KIAA1217: variants seen among roughly 807,000 people sequenced by gnomAD.
The protein encoded by KIAA1217 is sickle tail protein homolog.
Under a neutral mutation model 163.9 loss-of-function variants are expected in KIAA1217, and 88 were observed. The observed-to-expected ratio is 0.54, with a 90% CI of 0.45 to 0.64. The LOEUF (loss-of-function observed/expected upper bound fraction) is 0.64, where lower values mean the gene tolerates loss of function less well. Ranked by LOEUF, KIAA1217 falls within the 30% of genes least tolerant of loss-of-function variation. The pLI is 0.00. For synonymous variants in KIAA1217, 903 were observed against 923.1 expected, an observed-to-expected ratio of 0.98 and a Z score of 0.39; for missense variants, 2,372 against 2,475.0, an observed-to-expected ratio of 0.96 and a Z score of 0.88.
At chr10:24,409,759 C>A (rs991159466) in intron 3 of KIAA1217, among the ~76,000 whole-genome samples, 1 of 152,086 alleles carries the variant, frequency 6.6e-6, no homozygotes, top group African/African-American at 2.4e-5. Flanking sequence ...CACCCTTTCC[C>A]CTGAGTCCCC....
rs191697367 is a variant in KIAA1217 at position 23,711,760 on chromosome 10, C to T, written c.-321+16526C>T. Among the ~76,000 whole-genome samples the T allele has an allele frequency of 1.8e-4, 27 of 152,294 alleles. No individual in the cohort carries two copies. The East Asian group carries it at 5.2e-3, about 29-fold the overall frequency. On this transcript the variant is annotated intron_variant, in intron 1 of 18. Coordinates refer to the KIAA1217 transcript ENST00000376462. ...CATGTCAAGCTTCAACAGATGAAATCAACCACCTTCCTCTCCTGGGGAAGA... is the reference window on the plus strand; with the variant it reads ...CATGTCAAGCTTCAACAGATGAAATTAACCACCTTCCTCTCCTGGGGAAGA...
At chr10:24,198,564 G>T (rs926097249) in intron 2 of KIAA1217, among the ~76,000 whole-genome samples, 1 of 149,118 alleles carries the variant, frequency 6.7e-6, no homozygotes, top group African/African-American at 2.5e-5. Flanking sequence ...AGCCAAGATC[G>T]TGCCACTGCT....
chr10:24,495,936 A>G (rs2133822325), intron 8 of KIAA1217, among the ~76,000 whole-genome samples: 1 of 152,350 alleles, frequency 6.6e-6, no homozygotes, highest in East Asian at 1.9e-4. Flanking sequence ...GGCGTTCACT[A>G]GTATCCAGGT....
rs939165376 is a variant in KIAA1217, at chr10:24,458,025, C to T, written c.847-15203C>T. Among the ~76,000 whole-genome samples, 11 of 152,158 alleles carry T rather than the reference C, an allele frequency of 7.2e-5. No individual in the cohort carries two copies. The East Asian group carries it at 1.2e-3, about 16-fold the overall frequency. On this transcript the variant is annotated intron_variant, in intron 5 of 20. Transcript: ENST00000376454. ...GTGTCTCTGAAGAGGAGGCTTCTGT[C>T]GGTGTCAGAGCCTGGTGGGGAAGAA...
intron 1 of KIAA1217, among the ~76,000 whole-genome samples, chr10:23,780,400 A>G (rs1382852265): frequency 1.3e-5 from 2 of 151,842 alleles, no homozygotes; most frequent in Admixed American, 6.6e-5. Context: ...GAAACTTTGT[A>G]CTCTTTGACC....
intron 1 of KIAA1217, among the ~76,000 whole-genome samples, chr10:23,964,413 G>A (rs1329784202): frequency 2.6e-5 from 4 of 151,766 alleles, no homozygotes; most frequent in Non-Finnish European, 4.4e-5. Flanking sequence ...TCACTCTGCT[G>A]ATAGTTTCTT....
At chr10:24,319,830 T>G (rs2043907511) in intron 2 of KIAA1217, among the ~76,000 whole-genome samples, 1 of 152,244 alleles carries the variant, frequency 6.6e-6, no homozygotes, top group African/African-American at 2.4e-5. Flanking sequence ...CCACAAGTCT[T>G]TGCCAAAGCA....
intron 2 of KIAA1217, among the ~76,000 whole-genome samples, chr10:24,372,517 A>G (rs116049824): frequency 5.3e-4 from 81 of 152,314 alleles, no homozygotes; most frequent in African/African-American, 1.8e-3. Context: ...AAAATAATCT[A>G]TGGGACTGTT....
At chr10:23,977,945 C>A (rs1254604310) in intron 1 of KIAA1217, among the ~76,000 whole-genome samples, 1 of 152,160 alleles carries the variant, frequency 6.6e-6, no homozygotes, top group East Asian at 1.9e-4. Flanking sequence ...TCCTTAAGAA[C>A]AACATCCCCT....
chr10:23,981,572 C>A (rs1589179716), intron 1 of KIAA1217, among the ~76,000 whole-genome samples: 1 of 152,172 alleles, frequency 6.6e-6, no homozygotes, highest in Non-Finnish European at 1.5e-5. Flanking sequence ...AAATGCATTT[C>A]TTTTATTTTC....
In KIAA1217 at chr10:23,996,448, G is replaced by A. The variant is rs74483566; in HGVS notation, c.-320-10777G>A. ...GTGGTGAGTTTTTCTTCCCTAGACA[G>A]CAAACACAACGGCAGAAACTGTTAT... On this transcript the variant is annotated intron_variant, in intron 1 of 18. Transcript: ENST00000376462. 9.2e-5 allele frequency among the ~76,000 whole-genome samples: 14 copies of A among 152,250 alleles called. No individual in the cohort carries two copies. The East Asian group carries it at 2.5e-3, about 27-fold the overall frequency.
chr10:23,714,790 A>G (rs1222513091), intron 1 of KIAA1217, among the ~76,000 whole-genome samples: 3 of 152,224 alleles, frequency 2.0e-5, no homozygotes, highest in East Asian at 1.9e-4. Context: ...CAGTTTGTCA[A>G]TAGAGGGTGG....
intron 1 of KIAA1217, among the ~76,000 whole-genome samples, chr10:23,724,995 G>C (rs923316141): frequency 8.6e-5 from 13 of 152,020 alleles, no homozygotes; most frequent in Non-Finnish European, 1.3e-4. Flanking sequence ...TTCTACCTTA[G>C]TTCTACACAG....
chr10:24,157,437 C>T (rs1235127054), intron 2 of KIAA1217, among the ~76,000 whole-genome samples: 2 of 152,204 alleles, frequency 1.3e-5, no homozygotes, highest in Non-Finnish European at 2.9e-5. Context: ...CCCCCAGTCT[C>T]TGGCTTGTCT....
At chr10:23,929,153 A>G (rs969646190) in intron 1 of KIAA1217, among the ~76,000 whole-genome samples, 5 of 152,194 alleles carry the variant, frequency 3.3e-5, no homozygotes, top group Admixed American at 6.5e-5. Context: ...TTATTATTTT[A>G]ATATTGCTAT....
intron 1 of KIAA1217, among the ~76,000 whole-genome samples, chr10:23,910,868 G>T (rs950598426): frequency 6.6e-6 from 1 of 152,104 alleles, no homozygotes; most frequent in Non-Finnish European, 1.5e-5. Flanking sequence ...GGATCCACTT[G>T]GTGGGTTTGA....
At chr10:24,521,759 C>A in intron 11 of KIAA1217, 23 bp from the exon 12 acceptor site, 2 of 1,604,442 alleles carry the variant, frequency 1.2e-6, no homozygotes, top group South Asian at 2.2e-5. Flanking sequence ...TCCTCCAATT[C>A]ACCTGCTGGT....
chr10:24,485,935 C>G (rs2065339101), intron 6 of KIAA1217, among the ~76,000 whole-genome samples: 1 of 152,166 alleles, frequency 6.6e-6, no homozygotes. Flanking sequence ...TCCTATCTTC[C>G]CCACATCAGG....
intron 2 of KIAA1217, among the ~76,000 whole-genome samples, chr10:24,187,469 C>G (rs2066492406): frequency 2.0e-5 from 3 of 152,222 alleles, no homozygotes; most frequent in African/African-American, 7.2e-5. Flanking sequence ...TTCATTTCCA[C>G]TTGGTTATAA....
Sources: allele counts gnomAD v4.1 joint callset (sites outside exome capture counted in the v4.1 genomes callset), GRCh38; gene constraint gnomAD v4.1.1; transcripts MANE v1.5; gene names NCBI Gene and HGNC (gene_info 2026-07-23, HGNC 2026-07-21).